The following ABCE1 variants were observed in gnomAD, a reference collection of about 807,000 sequenced individuals.
ABCE1 encodes the protein ATP-binding cassette sub-family E member 1.
A neutral mutation model predicts 83.4 loss-of-function variants in ABCE1; 22 were observed. That is an observed-to-expected ratio of 0.26 (90% CI 0.19 to 0.38). The LOEUF (loss-of-function observed/expected upper bound fraction) is 0.38. Ranked by LOEUF, ABCE1 falls within the 10% of genes least tolerant of loss-of-function variation. The pLI, the probability that ABCE1 is intolerant of heterozygous loss-of-function variation, is 1.00. For missense variants in ABCE1, 330 were observed against 721.9 expected, an observed-to-expected ratio of 0.46 and a Z score of 6.22; for synonymous variants, 204 against 233.7, an observed-to-expected ratio of 0.87 and a Z score of 1.16.
intron 13 of ABCE1, chr4:145,121,940 T>G (rs748625832): frequency 2.0e-5 from 3 of 152,382 alleles, no homozygotes; most frequent in Non-Finnish European, 4.4e-5. Context: ...ACCTAATGTA[T>G]TTTGTGCTGC....
chr4:145,125,339 G>T (rs1425085602), intron 17 of ABCE1, among the ~76,000 whole-genome samples: 10 of 152,042 alleles, frequency 6.6e-5, no homozygotes, highest in Admixed American at 5.2e-4. Context: ...CTGGTGGCAG[G>T]TATCTGTAAT....
chr4:145,109,252 A>G lies in ABCE1; in HGVS notation c.405+3A>G. ...AGCCAAACCTTGGAAAGTACGATGT[A>G]TGTATTATCACCTTGTAAAAATTAA... On this transcript the variant is annotated splice_donor_region_variant and intron_variant, in intron 5 of 17. Coordinates refer to ENST00000296577, the MANE Select transcript of ABCE1 (RefSeq NM_002940.3). The G allele has an allele frequency of 6.4e-7, 1 of 1,562,462 alleles. No homozygotes were observed. The highest frequency in any genetic ancestry group is 8.8e-7 in the Non-Finnish European group (1 of 1,136,476).
chr4:145,118,793 A>G (rs1749669227), intron 10 of ABCE1, among the ~76,000 whole-genome samples: 1 of 151,902 alleles, frequency 6.6e-6, no homozygotes, highest in African/African-American at 2.4e-5. Flanking sequence ...CATACTTAAA[A>G]GCTTTCTATA....
chr4:145,108,932 A>G lies in ABCE1; in HGVS notation c.288-200A>G, dbSNP rs117575988. On this transcript the variant is annotated intron_variant, in intron 4 of 17. Transcript: ENST00000296577. ...TTTCTAACAATTAACAGTGTAAGTTAATCTTGGCTGTTCTTTTTTCTAATA... is the reference window on the plus strand; with the variant it reads ...TTTCTAACAATTAACAGTGTAAGTTGATCTTGGCTGTTCTTTTTTCTAATA... 4.3e-4 allele frequency among the ~76,000 whole-genome samples: 66 copies of G among 152,374 alleles called. No homozygotes were observed. In the East Asian group the frequency reaches 0.012, roughly 28 times the overall value.
chr4:145,125,138 A>T (rs774575219), intron 17 of ABCE1, 37 bp downstream of exon 17: 3 of 1,392,842 alleles, frequency 2.2e-6, no homozygotes, highest in Admixed American at 3.4e-5. Flanking sequence ...TGGATTACTG[A>T]TCTCAGTATA....
intron 17 of ABCE1, among the ~76,000 whole-genome samples, chr4:145,125,786 C>T (rs1245735142): frequency 6.6e-6 from 1 of 152,094 alleles, no homozygotes. Flanking sequence ...TATTTTAGGC[C>T]AAGCGCAGTG....
Position 145,120,023 on chromosome 4 carries a change from T to C in ABCE1, c.1014T>C (p.Asn338=). Residue 338 remains asparagine, a synonymous_variant, in exon 11 of 18, where the codon AAT becomes AAC. Coordinates refer to ENST00000296577, the MANE Select transcript of ABCE1 (RefSeq NM_002940.3). ...TTTTTAAAGTGGCTGAGACAGCAAA[T>C]GAAGAAGAAGTTAAAAAGATGTGTA... ...SLVFKVAETA[N]EEEVKKMCMY... is the part of the protein sequence containing the mutation. 1 of 1,612,172 alleles carries C rather than the reference T, an allele frequency of 6.2e-7. No individual in the cohort carries two copies. Among genetic ancestry groups the C allele is most frequent in the South Asian group, 1.1e-5 (1 of 90,892 alleles).
intron 9 of ABCE1, among the ~76,000 whole-genome samples, chr4:145,116,541 A>G (rs144645004): frequency 6.6e-6 from 1 of 151,968 alleles, no homozygotes; most frequent in Non-Finnish European, 1.5e-5. Context: ...TTAATTTGAC[A>G]TATGAGATGT....
At chr4:145,123,917 G>A (rs746020262) in intron 16 of ABCE1, 7 of 181,126 alleles carry the variant, frequency 3.9e-5, no homozygotes, top group Non-Finnish European at 7.1e-5. Context: ...GAAAACTATT[G>A]CTTTCATACA....
intron 1 of ABCE1, among the ~76,000 whole-genome samples, chr4:145,099,106 A>C (rs889998793): frequency 3.9e-5 from 6 of 152,136 alleles, no homozygotes; most frequent in African/African-American, 1.4e-4. Context: ...TATTGTATCT[A>C]ATACTCATTG....
At chr4:145,121,882 A>G (rs540780535) in intron 13 of ABCE1, 1 of 152,472 alleles carries the variant, frequency 6.6e-6, no homozygotes, top group South Asian at 2.1e-4. Flanking sequence ...AAAAAAAAAT[A>G]AAAAAATAAA....
chr4:145,112,366 T>C, intron 9 of ABCE1, 38 bp downstream of exon 9: 1 of 1,364,800 alleles, frequency 7.3e-7, no homozygotes, highest in Non-Finnish European at 1.0e-6. Flanking sequence ...GTTGTTTTGT[T>C]TGGAGATTTT....
chr4:145,118,057 T>C (rs1260351283), intron 10 of ABCE1, among the ~76,000 whole-genome samples: 2 of 151,718 alleles, frequency 1.3e-5, no homozygotes, highest in African/African-American at 4.8e-5. Flanking sequence ...TTTTTCCTTT[T>C]TTTCTTCCCA....
Position 145,127,780 on chromosome 4 carries a change from T to C in ABCE1, c.*207T>C, listed in dbSNP as rs2126718171. 2.3e-6 allele frequency: 1 copy of C among 432,498 alleles called. No individual in the cohort carries two copies. Among genetic ancestry groups the C allele is most frequent in the Non-Finnish European group, 4.0e-6 (1 of 248,384 alleles). 26.8% of individuals were successfully genotyped at this position (432,498 alleles called of 1,614,324 possible). On this transcript the variant is annotated 3_prime_UTR_variant, in exon 18 of 18. Transcript: ENST00000296577. The stretch of plus-strand genomic sequence containing the variant: ...CACTTTTCTGTTCCTGAAGAGGCTC[T>C]TTTGTGCATAATATTCTAAAATGAA...
chr4:145,107,535 C>G (rs1248139248), intron 3 of ABCE1, among the ~76,000 whole-genome samples: 1 of 152,140 alleles, frequency 6.6e-6, no homozygotes, highest in Non-Finnish European at 1.5e-5. Flanking sequence ...AAGTATTAAG[C>G]ACTCTTTAAA....
chr4:145,102,772 T>C (rs34766684), intron 1 of ABCE1, among the ~76,000 whole-genome samples: 4,135 of 152,172 alleles, frequency 0.027, 195 homozygotes, highest in African/African-American at 0.094. Flanking sequence ...TGTTGGATTG[T>C]TGTGTAGTAG....
Position 145,110,336 on chromosome 4 carries a change from T to C in ABCE1, c.544-39T>C, listed in dbSNP as rs757381481. ...TTTACTTTGTGATTCTTTTTAATAT[T>C]GAAAGAAAATAGTAACTGTTTTTGG... On this transcript the variant is annotated intron_variant, in intron 6 of 17. Coordinates refer to ENST00000296577, the MANE Select transcript of ABCE1 (RefSeq NM_002940.3). 7.5e-6 allele frequency: 12 copies of C among 1,601,816 alleles called. No individual in the cohort carries two copies. The Admixed American group carries it at 1.9e-4, about 25-fold the overall frequency.
chr4:145,127,413 G>A, intron 17 of ABCE1, 113 bp from the exon 18 acceptor site: 1 of 882,472 alleles, frequency 1.1e-6, no homozygotes, highest in Non-Finnish European at 1.8e-6. Context: ...GTGCAGAACA[G>A]GTTGTACAGG....
chr4:145,122,879 A>G, intron 13 of ABCE1, 142 bp from the exon 14 acceptor site: 1 of 582,992 alleles, frequency 1.7e-6, no homozygotes, highest in South Asian at 3.2e-5. Flanking sequence ...AAAACATGTC[A>G]TAGATGGTGG....
Sources: allele counts gnomAD v4.1 joint callset (sites outside exome capture counted in the v4.1 genomes callset), GRCh38; gene constraint gnomAD v4.1.1; transcripts MANE v1.5; gene names NCBI Gene and HGNC (gene_info 2026-07-23, HGNC 2026-07-21).